The following CRACD variants were observed in gnomAD, a reference collection of about 807,000 sequenced individuals.
The protein encoded by CRACD is capping protein-inhibiting regulator of actin dynamics.
In CRACD, 56 loss-of-function variants were observed where a neutral mutation model predicts 106.8. That is an observed-to-expected ratio of 0.52 (90% CI 0.42 to 0.66). The LOEUF (loss-of-function observed/expected upper bound fraction) is 0.66, where lower values mean the gene tolerates loss of function less well. CRACD is among the 30% of genes least tolerant of loss of function. CRACD has a pLI of 0.00. For missense variants in CRACD, 1,730 were observed against 1,623.2 expected, an observed-to-expected ratio of 1.07 and a Z score of -1.13; for synonymous variants, 754 against 670.8, an observed-to-expected ratio of 1.12 and a Z score of -1.92.
chr4:56,134,150 G>A (rs1053415136), intron 1 of CRACD, among the ~76,000 whole-genome samples: 2 of 151,588 alleles, frequency 1.3e-5, no homozygotes, highest in African/African-American at 4.8e-5. Flanking sequence ...GTAGTGAGCC[G>A]AGATTCCCAC....
intron 1 of CRACD, among the ~76,000 whole-genome samples, chr4:56,133,686 T>G (rs1296065865): frequency 1.3e-5 from 2 of 152,200 alleles, no homozygotes; most frequent in Non-Finnish European, 2.9e-5. Context: ...TCAGATTAAA[T>G]GTACATAAAA....
chr4:56,182,860 G>GGTGT (rs1560474906), intron 2 of CRACD, among the ~76,000 whole-genome samples: 1 of 97,344 alleles, frequency 1.0e-5, no homozygotes, highest in Non-Finnish European at 1.8e-5. Flanking sequence ...AGAAAAAAAA[G>GGTGT]ATATGTGTGT....
At chr4:56,247,849 G>A (rs1163639768) in intron 2 of CRACD, among the ~76,000 whole-genome samples, 2 of 145,968 alleles carry the variant, frequency 1.4e-5, no homozygotes, top group Non-Finnish European at 1.5e-5. Context: ...CCATCTTACA[G>A]AAAAAAAAAA....
At chr4:56,205,431 A>G (rs1379397893) in intron 2 of CRACD, among the ~76,000 whole-genome samples, 2 of 152,112 alleles carry the variant, frequency 1.3e-5, no homozygotes, top group Non-Finnish European at 2.9e-5. Context: ...ACTGGGATAT[A>G]CCTTAAAAGA....
chr4:56,105,619 C>T (rs935207689), intron 1 of CRACD, among the ~76,000 whole-genome samples: 24 of 152,128 alleles, frequency 1.6e-4, no homozygotes, highest in African/African-American at 4.1e-4. Flanking sequence ...CAAGGTTAAG[C>T]GTTGGCTATT....
intron 4 of CRACD, among the ~76,000 whole-genome samples, chr4:56,299,685 T>A (rs1403818035): frequency 1.3e-5 from 2 of 149,454 alleles, no homozygotes; most frequent in Middle Eastern, 7.0e-3. Flanking sequence ...AAAAAAAAAA[T>A]TCGCTTACCC....
chr4:56,158,168 A>G (rs1735825306), intron 1 of CRACD, among the ~76,000 whole-genome samples: 1 of 152,220 alleles, frequency 6.6e-6, no homozygotes, highest in Non-Finnish European at 1.5e-5. Context: ...CACCAGTGGG[A>G]AGAATCCCTT....
intron 1 of CRACD, among the ~76,000 whole-genome samples, chr4:56,160,185 A>ATT (rs544168622): frequency 1.6e-5 from 1 of 63,272 alleles, no homozygotes. Context: ...CCATATTTTG[A>ATT]TTTTTTTTTT....
intron 1 of CRACD, among the ~76,000 whole-genome samples, chr4:56,072,794 C>T (rs893162841): frequency 1.3e-5 from 2 of 152,056 alleles, no homozygotes; most frequent in African/African-American, 4.8e-5. Context: ...TATGATGTTC[C>T]CCTCCCTGTA....
intron 2 of CRACD, among the ~76,000 whole-genome samples, chr4:56,260,666 A>G (rs1322946709): frequency 6.6e-6 from 1 of 152,216 alleles, no homozygotes; most frequent in Non-Finnish European, 1.5e-5. Flanking sequence ...CTGATTCAAT[A>G]CATTGAAAGA....
At chr4:56,164,312 T>G (rs973821195) in intron 1 of CRACD, among the ~76,000 whole-genome samples, 1 of 151,854 alleles carries the variant, frequency 6.6e-6, no homozygotes, top group African/African-American at 2.4e-5. Context: ...TTTGTTGTAT[T>G]TTTAGTAGAG....
chr4:56,249,462 A>G (rs1353070486), intron 2 of CRACD, among the ~76,000 whole-genome samples: 1 of 150,518 alleles, frequency 6.6e-6, no homozygotes, highest in Admixed American at 6.6e-5. Context: ...TTCATTGTAG[A>G]TTCTGGATAT....
chr4:56,097,514 T>C (rs959451856), intron 1 of CRACD: 1 of 152,572 alleles, frequency 6.6e-6, no homozygotes, highest in Non-Finnish European at 1.5e-5. Context: ...TGTGTTTTTC[T>C]AGCCATGTTC....
chr4:56,152,251 T>A (rs951483779), intron 1 of CRACD, among the ~76,000 whole-genome samples: 10 of 151,684 alleles, frequency 6.6e-5, no homozygotes, highest in Non-Finnish European at 1.5e-4. Context: ...TCTCCTGACC[T>A]CGTGATCCAC....
chr4:56,103,637 G>A (rs1339916445), intron 1 of CRACD, among the ~76,000 whole-genome samples: 1 of 152,142 alleles, frequency 6.6e-6, no homozygotes, highest in African/African-American at 2.4e-5. Context: ...AAAGGATAAG[G>A]GAATTGGCAG....
chr4:56,154,785 T>G (rs1364624011), intron 1 of CRACD, among the ~76,000 whole-genome samples: 1 of 152,084 alleles, frequency 6.6e-6, no homozygotes, highest in Non-Finnish European at 1.5e-5. Context: ...CATCATTGTC[T>G]TTTAGAAGGT....
At chr4:56,288,838 A>C (rs1743530839) in intron 3 of CRACD, among the ~76,000 whole-genome samples, 1 of 152,220 alleles carries the variant, frequency 6.6e-6, no homozygotes, top group Non-Finnish European at 1.5e-5. Context: ...TGTTCATTGC[A>C]GTGCTACTTA....
intron 2 of CRACD, among the ~76,000 whole-genome samples, chr4:56,213,303 A>G (rs747281002): frequency 2.0e-5 from 3 of 152,098 alleles, no homozygotes; most frequent in Non-Finnish European, 4.4e-5. Flanking sequence ...AAAATTAGCC[A>G]GTCGTAGTGG....
intron 4 of CRACD, among the ~76,000 whole-genome samples, chr4:56,300,159 T>C (rs1744284679): frequency 6.6e-6 from 1 of 152,018 alleles, no homozygotes; most frequent in Non-Finnish European, 1.5e-5. Context: ...AAATTATTTG[T>C]GAGGTGTTCT....
Sources: gnomAD v4.1 joint callset for allele counts (sites outside exome capture counted in the v4.1 genomes callset) on GRCh38, gnomAD v4.1.1 for gene constraint, MANE v1.5 for transcripts, NCBI Gene and HGNC (gene_info 2026-07-23, HGNC 2026-07-21) for gene names.